Variants in PTPRG observed in about 807,000 individuals in gnomAD.
The protein encoded by PTPRG is protein tyrosine phosphatase receptor type G.
Under a neutral mutation model 165.3 loss-of-function variants are expected in PTPRG, and 102 were observed. The ratio of observed to expected loss-of-function variants is 0.62; its 90% CI spans 0.53 to 0.73. PTPRG has a LOEUF of 0.73. Among genes scored for constraint, PTPRG ranks in the 30% least tolerant of loss-of-function variants. PTPRG has a pLI of 0.00. For synonymous variants in PTPRG, 675 were observed against 669.5 expected (o/e 1.01, Z -0.13); for missense variants, 1,866 against 1,861.4 (o/e 1.00, Z -0.05).
intron 3 of PTPRG, among the ~76,000 whole-genome samples, chr3:61,998,710 T>G (rs115818361): frequency 6.6e-6 from 1 of 152,202 alleles, no homozygotes; most frequent in African/African-American, 2.4e-5. Context: ...AACCCTGAAT[T>G]TGAAGCTTCC....
At chr3:61,992,022 G>T (rs2040905084) in intron 3 of PTPRG, among the ~76,000 whole-genome samples, 1 of 152,176 alleles carries the variant, frequency 6.6e-6, no homozygotes, top group African/African-American at 2.4e-5. Flanking sequence ...TTAGAGCAAA[G>T]CTATCCAAAT....
chr3:61,989,515 C>A (rs1323424790), intron 2 of PTPRG, 110 bp from the exon 3 acceptor site: 2 of 1,029,998 alleles, frequency 1.9e-6, no homozygotes, highest in African/African-American at 3.2e-5. Context: ...ACATTCACCT[C>A]TTTGGATTGG....
chr3:61,688,338 C>T (rs183587318), intron 1 of PTPRG, among the ~76,000 whole-genome samples: 1 of 152,200 alleles, frequency 6.6e-6, no homozygotes, highest in Non-Finnish European at 1.5e-5. Flanking sequence ...TCCCCACGGG[C>T]CAGCCTAGAC....
At chr3:61,738,173 C>G (rs1448472093) in intron 1 of PTPRG, among the ~76,000 whole-genome samples, 1 of 149,016 alleles carries the variant, frequency 6.7e-6, no homozygotes, top group Non-Finnish European at 1.5e-5. Flanking sequence ...GCTGGGATTA[C>G]AGGCATGAGC....
intron 19 of PTPRG, among the ~76,000 whole-genome samples, chr3:62,268,534 T>C (rs542785972): frequency 7.9e-5 from 12 of 152,056 alleles, no homozygotes; most frequent in Non-Finnish European, 1.5e-5. Context: ...TAAAAGAACC[T>C]ACGCTTCAGG....
At position 62,243,878 on chromosome 3, in the gene PTPRG, T is replaced by C. The variant is rs1421985286; in HGVS notation, c.2447T>C (p.Ile816Thr). 1.6e-5 allele frequency: 25 copies of C among 1,553,474 alleles called. No homozygotes were observed. The highest frequency in any genetic ancestry group is 2.2e-5 in the Non-Finnish European group (25 of 1,125,986). The change falls in exon 15 of 30, where the codon ATC becomes ACC. Residue 816 changes from isoleucine (I) to threonine (T), a missense_variant. By Grantham distance (89) the Ile-to-Thr change is moderately conservative. Transcript: ENST00000474889. ...CCTCGAGTGGTCCCTAATGAAAGTA[T>C]CCCTATTATTCCTATTCCGGGTAAG... Reference protein sequence around the residue: ...SSPRVVPNESIPIIPIPDDME... With the variant: ...SSPRVVPNESTPIIPIPDDME...
At chr3:62,039,224 C>A (rs113906542) in intron 4 of PTPRG, among the ~76,000 whole-genome samples, 1 of 151,646 alleles carries the variant, frequency 6.6e-6, no homozygotes, top group Non-Finnish European at 1.5e-5. Flanking sequence ...CGTGAGCCAC[C>A]ACCCCTAGCC....
intron 5 of PTPRG, among the ~76,000 whole-genome samples, chr3:62,123,511 A>G (rs895979110): frequency 6.6e-6 from 1 of 152,234 alleles, no homozygotes; most frequent in Non-Finnish European, 1.5e-5. Context: ...ATAACATAGC[A>G]TAATAAAAAT....
chr3:61,678,489 A>C (rs1703315209), intron 1 of PTPRG, among the ~76,000 whole-genome samples: 1 of 152,158 alleles, frequency 6.6e-6, no homozygotes. Flanking sequence ...GTATCTCCCC[A>C]CATTCCCTTC....
At chr3:61,596,413 AAC>A (rs1477397327) in intron 1 of PTPRG, among the ~76,000 whole-genome samples, 1 of 150,664 alleles carries the variant, frequency 6.6e-6, no homozygotes, top group African/African-American at 2.4e-5. Context: ...TGGTTTTCAA[AAC>A]ACAGAATCTG....
intron 4 of PTPRG, among the ~76,000 whole-genome samples, chr3:62,029,287 T>TGTG (rs1336640129): frequency 6.2e-4 from 95 of 152,234 alleles, no homozygotes; most frequent in Middle Eastern, 3.4e-3. Context: ...TTAGAGTCCA[T>TGTG]TTGGAGACAC....
chr3:61,687,967 C>A (rs559666920), intron 1 of PTPRG, among the ~76,000 whole-genome samples: 1 of 152,278 alleles, frequency 6.6e-6, no homozygotes, highest in African/African-American at 2.4e-5. Flanking sequence ...GAAAAGGAAT[C>A]GCGTACCCAG....
At chr3:61,884,484 G>C (rs2037974174) in intron 2 of PTPRG, among the ~76,000 whole-genome samples, 1 of 152,210 alleles carries the variant, frequency 6.6e-6, no homozygotes, top group South Asian at 2.1e-4. Context: ...TTTTGATAGA[G>C]TTGACCTGCC....
At chr3:61,819,509 A>C (rs763443057) in intron 2 of PTPRG, among the ~76,000 whole-genome samples, 1 of 152,170 alleles carries the variant, frequency 6.6e-6, no homozygotes, top group Non-Finnish European at 1.5e-5. Flanking sequence ...GTATCTAGGC[A>C]ATAATTATCA....
chr3:61,837,033 C>T (rs946581742), intron 2 of PTPRG, among the ~76,000 whole-genome samples: 1 of 152,200 alleles, frequency 6.6e-6, no homozygotes, highest in Non-Finnish European at 1.5e-5. Context: ...GTCTCACCCC[C>T]CAGAGTAGCT....
chr3:61,917,448 C>A (rs577359235), intron 2 of PTPRG, among the ~76,000 whole-genome samples: 11 of 152,098 alleles, frequency 7.2e-5, no homozygotes, highest in Non-Finnish European at 1.5e-4. Flanking sequence ...AGGTTCTTTG[C>A]GTGTTGCTAA....
chr3:61,735,242 C>A (rs895812898), intron 1 of PTPRG, among the ~76,000 whole-genome samples: 1 of 152,244 alleles, frequency 6.6e-6, no homozygotes, highest in South Asian at 2.1e-4. Flanking sequence ...AATTAAATCA[C>A]TTCATTTAAG....
chr3:61,972,556 A>G (rs1466523912), intron 2 of PTPRG, among the ~76,000 whole-genome samples: 1 of 151,998 alleles, frequency 6.6e-6, no homozygotes, highest in Non-Finnish European at 1.5e-5. Context: ...GTGATCCAGC[A>G]TGGGACCCTG....
intron 12 of PTPRG, among the ~76,000 whole-genome samples, chr3:62,212,599 G>A (rs1404840696): frequency 6.6e-6 from 1 of 152,142 alleles, no homozygotes; most frequent in Non-Finnish European, 1.5e-5. Flanking sequence ...ACTGAAACCA[G>A]GCTGGCCAGA....
Sources: allele counts gnomAD v4.1 joint callset (sites outside exome capture counted in the v4.1 genomes callset), GRCh38; gene constraint gnomAD v4.1.1; transcripts MANE v1.5; gene names NCBI Gene and HGNC (gene_info 2026-07-23, HGNC 2026-07-21).